The following RIT2 variants were observed in gnomAD, a reference collection of about 807,000 sequenced individuals.
RIT2 encodes the protein GTP-binding protein Rit2.
In RIT2, 24 loss-of-function variants were observed where a neutral mutation model predicts 23.7. That is an observed-to-expected ratio of 1.01 (90% CI 0.73 to 1.43). The LOEUF is 1.43. RIT2 is among the 40% of genes most tolerant of loss of function. RIT2 has a pLI of 0.00. For synonymous variants in RIT2, 107 were observed against 91.1 expected (o/e 1.17, Z -0.99); for missense variants, 236 against 266.9 (o/e 0.88, Z 0.81).
intron 4 of RIT2, among the ~76,000 whole-genome samples, chr18:42,904,620 A>T (rs974878278): frequency 3.9e-5 from 6 of 152,222 alleles, no homozygotes; most frequent in Non-Finnish European, 5.9e-5. Context: ...AAATTTGTAG[A>T]CAAATAACAA....
intron 4 of RIT2, among the ~76,000 whole-genome samples, chr18:42,778,098 G>A (rs1913717073): frequency 6.6e-6 from 1 of 152,054 alleles, no homozygotes; most frequent in African/African-American, 2.4e-5. Context: ...CCTATGGCTG[G>A]CTGCTGTGCT....
At chr18:43,026,596 G>T (rs137963962) in intron 2 of RIT2, among the ~76,000 whole-genome samples, 81 of 128,304 alleles carry the variant, frequency 6.3e-4, no homozygotes, top group South Asian at 4.1e-3. Flanking sequence ...AAGAAAGAAA[G>T]AAAGAAAGAA....
At position 42,976,086 on chromosome 18, in the gene RIT2, G is replaced by A. The variant is rs761913648; in HGVS notation, c.161-1939C>T. ...ATTTCCACATGTTGTAAATCTTTCC[G>A]TTTTCTTTCAATTGTTGGTTTCTAG... is the stretch of plus-strand genomic sequence containing the variant. On this transcript the variant is annotated intron_variant, in intron 2 of 4. Coordinates refer to ENST00000326695, the MANE Select transcript of RIT2 (RefSeq NM_002930.4). 4.6e-5 allele frequency among the ~76,000 whole-genome samples: 7 copies of A among 151,870 alleles called. No homozygotes were observed. In the South Asian group the frequency reaches 6.2e-4, roughly 13 times the overall value.
At chr18:43,026,108 C>T (rs1911711032) in intron 2 of RIT2, among the ~76,000 whole-genome samples, 1 of 151,712 alleles carries the variant, frequency 6.6e-6, no homozygotes, top group Non-Finnish European at 1.5e-5. Context: ...AAGATGGTAG[C>T]AGTAGAGGTA....
At chr18:42,973,973 T>C in intron 3 of RIT2, 101 bp downstream of exon 3, 1 of 709,966 alleles carries the variant, frequency 1.4e-6, no homozygotes, top group East Asian at 3.0e-5. Flanking sequence ...TTTGTTCTTC[T>C]TCTGCTTGAA....
At chr18:42,808,274 A>G (rs367679684) in intron 4 of RIT2, among the ~76,000 whole-genome samples, 1 of 152,236 alleles carries the variant, frequency 6.6e-6, no homozygotes, top group Non-Finnish European at 1.5e-5. Context: ...GATATTTACC[A>G]TACTCAGAGG....
At chr18:42,752,121 A>G (rs1054138622) in intron 4 of RIT2, among the ~76,000 whole-genome samples, 2 of 152,044 alleles carry the variant, frequency 1.3e-5, no homozygotes, top group African/African-American at 4.8e-5. Context: ...TATGCTTACT[A>G]TTATGGTCCA....
intron 3 of RIT2, among the ~76,000 whole-genome samples, chr18:42,959,983 T>G (rs1247443384): frequency 6.6e-6 from 1 of 152,174 alleles, no homozygotes; most frequent in African/African-American, 2.4e-5. Context: ...AAACAAATAC[T>G]GAGGTAAAAG....
chr18:43,026,632 GA>G, intron 2 of RIT2, among the ~76,000 whole-genome samples: 1 of 126,850 alleles, frequency 7.9e-6, no homozygotes, highest in Admixed American at 7.6e-5. Flanking sequence ...AAGAAAGAAA[GA>G]AAGAGAGAAA....
intron 4 of RIT2, among the ~76,000 whole-genome samples, chr18:42,892,516 G>GC (rs979754024): frequency 3.9e-5 from 6 of 152,070 alleles, no homozygotes; most frequent in African/African-American, 1.4e-4. Flanking sequence ...AAATTGTTTT[G>GC]CCCGTATTAA....
intron 3 of RIT2, among the ~76,000 whole-genome samples, chr18:42,952,077 G>T (rs1909864161): frequency 6.6e-6 from 1 of 152,074 alleles, no homozygotes; most frequent in Non-Finnish European, 1.5e-5. Context: ...CCACCCCCAT[G>T]ATTCAATTAC....
At chr18:42,923,416 C>A in intron 4 of RIT2, 156 bp downstream of exon 4, 2 of 713,998 alleles carry the variant, frequency 2.8e-6, no homozygotes, top group South Asian at 3.6e-5. Context: ...TGGAGGCCAA[C>A]ACAATTTACC....
At chr18:42,743,839 CCT>C in intron 4 of RIT2, 119 bp from the exon 5 acceptor site, 1 of 706,832 alleles carries the variant, frequency 1.4e-6, no homozygotes. Flanking sequence ...CATCGTATCC[CCT>C]GTGACTTGCA....
At position 42,918,576 on chromosome 18, in the gene RIT2, A is replaced by G. The variant is rs369227814; in HGVS notation, c.426+4996T>C. ...CACTGATGATGAAAGATAATTAAGC[A>G]CTACTCTTATTTTTTTAAGTTTGAG... On this transcript the variant is annotated intron_variant, in intron 4 of 4. Coordinates refer to ENST00000326695, the MANE Select transcript of RIT2 (RefSeq NM_002930.4). Among the ~76,000 whole-genome samples, 5 of 152,260 alleles carry G rather than the reference A, an allele frequency of 3.3e-5. No homozygotes were observed. The East Asian group carries it at 5.8e-4, about 18-fold the overall frequency.
intron 2 of RIT2, among the ~76,000 whole-genome samples, chr18:43,028,807 C>T (rs1173994631): frequency 2.0e-5 from 3 of 151,978 alleles, no homozygotes; most frequent in South Asian, 2.1e-4. Flanking sequence ...AACTCTCCCC[C>T]GAGCATTTAT....
At chr18:42,994,792 T>C (rs1910939876) in intron 2 of RIT2, among the ~76,000 whole-genome samples, 1 of 152,134 alleles carries the variant, frequency 6.6e-6, no homozygotes, top group African/African-American at 2.4e-5. Context: ...CAAACTATGC[T>C]CAACTTACTC....
chr18:42,933,494 T>G (rs1258526852), intron 3 of RIT2, among the ~76,000 whole-genome samples: 1 of 151,882 alleles, frequency 6.6e-6, no homozygotes, highest in African/African-American at 2.4e-5. Flanking sequence ...CTGGTGAGAG[T>G]TAATTGAATC....
At chr18:43,092,735 A>C (rs938988869) in intron 1 of RIT2, among the ~76,000 whole-genome samples, 4 of 152,040 alleles carry the variant, frequency 2.6e-5, no homozygotes, top group Non-Finnish European at 4.4e-5. Context: ...AATATCAAGT[A>C]AATGTTGAAA....
intron 3 of RIT2, among the ~76,000 whole-genome samples, chr18:42,925,420 C>A (rs1433931443): frequency 6.6e-6 from 1 of 151,844 alleles, no homozygotes; most frequent in African/African-American, 2.4e-5. Context: ...ATTATAAAAT[C>A]ATCTTAGAAA....
Sources: gnomAD v4.1 joint callset for allele counts (sites outside exome capture counted in the v4.1 genomes callset) on GRCh38, gnomAD v4.1.1 for gene constraint, MANE v1.5 for transcripts, NCBI Gene and HGNC (gene_info 2026-07-23, HGNC 2026-07-21) for gene names.